Variants in SIL1 observed in about 807,000 individuals in gnomAD.
The protein encoded by SIL1 is SIL1 nucleotide exchange factor.
SIL1 carries 40 observed loss-of-function variants against 49.1 expected under a neutral mutation model. That is an observed-to-expected ratio of 0.81 (90% confidence interval 0.63 to 1.06). The LOEUF (loss-of-function observed/expected upper bound fraction) is 1.06. Ranked by LOEUF, SIL1 falls within the 50% of genes least tolerant of loss-of-function variation. SIL1 has a pLI of 0.00. For synonymous variants in SIL1, 253 were observed against 250.8 expected (o/e 1.01, Z -0.08); for missense variants, 500 against 572.6 (o/e 0.87, Z 1.29).
intron 7 of SIL1, among the ~76,000 whole-genome samples, chr5:138,996,029 ATTTCC>A (rs1181589411): frequency 6.6e-6 from 1 of 152,104 alleles, no homozygotes; most frequent in African/African-American, 2.4e-5. Context: ...TGATATATTG[ATTTCC>A]TTTCTTTTGG....
chr5:139,123,453 A>C (rs1237638702), intron 2 of SIL1, among the ~76,000 whole-genome samples: 1 of 152,194 alleles, frequency 6.6e-6, no homozygotes, highest in Non-Finnish European at 1.5e-5. Flanking sequence ...TCCCATAGGC[A>C]GGTGTGTCTT....
chr5:139,016,357 A>G (rs896040317), intron 7 of SIL1, among the ~76,000 whole-genome samples: 3 of 152,230 alleles, frequency 2.0e-5, no homozygotes, highest in African/African-American at 7.2e-5. Flanking sequence ...TTGAGGTGCG[A>G]TGAGACAGTG....
chr5:139,177,915 T>G (rs1279391898), intron 1 of SIL1, among the ~76,000 whole-genome samples: 2 of 152,216 alleles, frequency 1.3e-5, no homozygotes. Context: ...TTTGCTAACT[T>G]GGCACATCAC....
At chr5:139,146,200 A>G (rs2151803622) in intron 1 of SIL1, among the ~76,000 whole-genome samples, 1 of 152,324 alleles carries the variant, frequency 6.6e-6, no homozygotes, top group Admixed American at 6.5e-5. Context: ...AAGATTGCCC[A>G]TGAGTTAGAA....
At chr5:139,040,316 C>CTTA (rs1330567858) in intron 5 of SIL1, among the ~76,000 whole-genome samples, 1 of 152,018 alleles carries the variant, frequency 6.6e-6, no homozygotes, top group Non-Finnish European at 1.5e-5. Flanking sequence ...GATGCCAGGA[C>CTTA]TTAGCACCTC....
chr5:139,125,408 C>A (rs1437016858), intron 2 of SIL1, among the ~76,000 whole-genome samples: 1 of 152,188 alleles, frequency 6.6e-6, no homozygotes, highest in Non-Finnish European at 1.5e-5. Context: ...TTCTTAAAAA[C>A]CAAAGCCTTC....
chr5:139,170,984 G>A (rs1238366336), intron 1 of SIL1, among the ~76,000 whole-genome samples: 5 of 147,928 alleles, frequency 3.4e-5, no homozygotes, highest in South Asian at 2.2e-4. Context: ...CAGCCGCCCC[G>A]TCCGGGAGGT....
chr5:138,978,644 A>G (rs1767443891), intron 7 of SIL1, among the ~76,000 whole-genome samples: 1 of 152,156 alleles, frequency 6.6e-6, no homozygotes, highest in Non-Finnish European at 1.5e-5. Flanking sequence ...ATCAATTTAC[A>G]TTTCCACTAG....
At chr5:139,031,763 T>C (rs1768797979) in intron 5 of SIL1, among the ~76,000 whole-genome samples, 1 of 152,234 alleles carries the variant, frequency 6.6e-6, no homozygotes, top group Admixed American at 6.5e-5. Flanking sequence ...AATTAAGTCT[T>C]CTTTGATTTA....
At chr5:139,112,493 C>T (rs1770878876) in intron 3 of SIL1, among the ~76,000 whole-genome samples, 1 of 151,576 alleles carries the variant, frequency 6.6e-6, no homozygotes, top group Non-Finnish European at 1.5e-5. Context: ...TCTGCCCGGC[C>T]GCGACCCCGT....
chr5:139,088,548 C>T (rs556541975), intron 3 of SIL1, among the ~76,000 whole-genome samples: 40 of 152,282 alleles, frequency 2.6e-4, no homozygotes, highest in South Asian at 1.0e-3. Context: ...AAGTCCAGTG[C>T]GCACATGCCT....
chr5:138,978,884 T>C (rs1019445548), intron 7 of SIL1, among the ~76,000 whole-genome samples: 4 of 152,148 alleles, frequency 2.6e-5, no homozygotes, highest in African/African-American at 4.8e-5. Flanking sequence ...TATTGTTGAA[T>C]TGTAGGAGTT....
intron 7 of SIL1, chr5:139,012,760 G>A (rs1337436717): frequency 6.6e-6 from 1 of 152,162 alleles, no homozygotes; most frequent in African/African-American, 2.4e-5. Context: ...TCAAGCCCAG[G>A]AGTTTAAGAT....
intron 5 of SIL1, among the ~76,000 whole-genome samples, chr5:139,039,367 G>C (rs1768989938): frequency 6.6e-6 from 1 of 152,108 alleles, no homozygotes; most frequent in Admixed American, 6.5e-5. Flanking sequence ...CACTAAGTGG[G>C]GTGGGGAGAT....
intron 1 of SIL1, among the ~76,000 whole-genome samples, chr5:139,130,981 G>A (rs1030793217): frequency 6.6e-6 from 1 of 152,206 alleles, no homozygotes; most frequent in Non-Finnish European, 1.5e-5. Flanking sequence ...GGGAAATGGA[G>A]AGTTACTCCT....
At chr5:139,039,039 G>A (rs1413557938) in intron 5 of SIL1, among the ~76,000 whole-genome samples, 1 of 152,246 alleles carries the variant, frequency 6.6e-6, no homozygotes, top group African/African-American at 2.4e-5. Context: ...TCAGATGGGA[G>A]ATGGAAAATC....
chr5:139,025,976 G>A (rs1482093636), intron 6 of SIL1, among the ~76,000 whole-genome samples: 1 of 152,030 alleles, frequency 6.6e-6, no homozygotes, highest in Non-Finnish European at 1.5e-5. Flanking sequence ...TTTGACCTAT[G>A]GGCAGTAGTT....
intron 7 of SIL1, among the ~76,000 whole-genome samples, chr5:138,967,042 G>T (rs961483442): frequency 1.3e-5 from 2 of 152,200 alleles, no homozygotes; most frequent in African/African-American, 4.8e-5. Flanking sequence ...CTGTACAGGT[G>T]TTTACTATTA....
chr5:139,049,512 G>A (rs768614892), intron 4 of SIL1, among the ~76,000 whole-genome samples: 6 of 152,102 alleles, frequency 3.9e-5, no homozygotes, highest in Non-Finnish European at 5.9e-5. Context: ...ATCCAGGCTG[G>A]GCACAGTGGT....
Sources: allele counts gnomAD v4.1 joint callset (sites outside exome capture counted in the v4.1 genomes callset), GRCh38; gene constraint gnomAD v4.1.1; transcripts MANE v1.5; gene names NCBI Gene and HGNC (gene_info 2026-07-23, HGNC 2026-07-21).